CDH11: variants seen among roughly 807,000 people sequenced by gnomAD.
The protein encoded by CDH11 is cadherin-11.
Under a neutral mutation model 67.8 loss-of-function variants are expected in CDH11, and 11 were observed. That is an observed-to-expected ratio of 0.16 (90% CI 0.10 to 0.27). The LOEUF (loss-of-function observed/expected upper bound fraction) is 0.27. Ranked by LOEUF, CDH11 falls within the 10% of genes least tolerant of loss-of-function variation. CDH11 has a pLI of 1.00. For synonymous variants in CDH11, 419 were observed against 400.0 expected, an observed-to-expected ratio of 1.05 and a Z score of -0.57; for missense variants, 847 against 1,031.2, an observed-to-expected ratio of 0.82 and a Z score of 2.45.
chr16:65,003,350 A>T (rs954544701), intron 3 of CDH11, among the ~76,000 whole-genome samples: 3 of 151,824 alleles, frequency 2.0e-5, no homozygotes, highest in African/African-American at 7.3e-5. Context: ...ACTCCTTCCC[A>T]TGTTCAAGCG....
intron 1 of CDH11, among the ~76,000 whole-genome samples, chr16:65,110,581 A>G (rs577008863): frequency 6.6e-6 from 1 of 151,978 alleles, no homozygotes; most frequent in Admixed American, 6.5e-5. Context: ...GATGCTGTAC[A>G]GCCACTGCTA....
At chr16:64,952,017 C>T in intron 11 of CDH11, among the ~76,000 whole-genome samples, 1 of 152,296 alleles carries the variant, frequency 6.6e-6, no homozygotes, top group African/African-American at 2.4e-5. Context: ...CCCAGGCTCA[C>T]CTCCTACTTT....
intron 1 of CDH11, among the ~76,000 whole-genome samples, chr16:65,065,204 A>G (rs2074293806): frequency 6.6e-6 from 1 of 152,162 alleles, no homozygotes; most frequent in South Asian, 2.1e-4. Flanking sequence ...GGTCTTCACA[A>G]AGAAACTAGG....
chr16:64,974,129 G>A (rs2072093585), intron 8 of CDH11, among the ~76,000 whole-genome samples: 1 of 152,178 alleles, frequency 6.6e-6, no homozygotes. Flanking sequence ...CATTTACTGA[G>A]TTGTAGTAAG....
upstream of CDH11, chr16:65,122,072 G>C (rs951002594): frequency 3.2e-6 from 2 of 627,846 alleles, no homozygotes; most frequent in Non-Finnish European, 5.7e-6. Flanking sequence ...ATGAGCCGCC[G>C]AGCGCGCTAG....
In CDH11 at chr16:65,073,143, T is replaced by A. The variant is rs1429553184; in HGVS notation, c.-297-19215A>T. Among the ~76,000 whole-genome samples, 6 of 152,336 alleles carry A rather than the reference T, an allele frequency of 3.9e-5. No individual in the cohort carries two copies. In the East Asian group the frequency reaches 1.2e-3, roughly 29 times the overall value. On this transcript the variant is annotated intron_variant, in intron 1 of 12. Transcript: ENST00000268603. ...GTGGACCAAAATGGAAACAACTCAATGTAATTTCACTTGCTGAAAATTCAG... is the reference window on the plus strand; with the variant it reads ...GTGGACCAAAATGGAAACAACTCAAAGTAATTTCACTTGCTGAAAATTCAG...
chr16:65,117,622 T>C (rs1170531613), intron 1 of CDH11, among the ~76,000 whole-genome samples: 1 of 152,200 alleles, frequency 6.6e-6, no homozygotes, highest in Non-Finnish European at 1.5e-5. Context: ...CATTTACTGC[T>C]ATATTAAAAT....
intron 1 of CDH11, chr16:65,072,258 A>C (rs1027138670): frequency 6.6e-6 from 1 of 152,622 alleles, no homozygotes; most frequent in Non-Finnish European, 1.5e-5. Flanking sequence ...TGGCACTGCC[A>C]GCAGCCCTGT....
chr16:65,055,306 A>G (rs531702800), intron 1 of CDH11, among the ~76,000 whole-genome samples: 33 of 152,332 alleles, frequency 2.2e-4, no homozygotes, highest in African/African-American at 7.9e-4. Flanking sequence ...ATGAAACAGC[A>G]GAAGTGACAC....
intron 1 of CDH11, among the ~76,000 whole-genome samples, chr16:65,115,663 G>A (rs78165093): frequency 0.053 from 6,770 of 127,460 alleles, 221 homozygotes; most frequent in East Asian, 0.19. Context: ...TACTTTGTAA[G>A]TAATGGAGGC....
chr16:65,103,233 G>A (rs2075021206), intron 1 of CDH11, among the ~76,000 whole-genome samples: 1 of 152,144 alleles, frequency 6.6e-6, no homozygotes, highest in Non-Finnish European at 1.5e-5. Context: ...TTTGGATCTT[G>A]CAACCTGCTA....
intron 1 of CDH11, among the ~76,000 whole-genome samples, chr16:65,062,185 G>A (rs1372131485): frequency 6.6e-6 from 1 of 152,274 alleles, no homozygotes; most frequent in African/African-American, 2.4e-5. Flanking sequence ...AACCAACTAC[G>A]AAGGAGAACC....
intron 1 of CDH11, among the ~76,000 whole-genome samples, chr16:65,086,223 TA>T (rs1337333612): frequency 1.3e-5 from 2 of 152,232 alleles, no homozygotes; most frequent in African/African-American, 4.8e-5. Context: ...GTAACGTAGA[TA>T]ATTTAAATAC....
At position 64,972,064 on chromosome 16, in the gene CDH11, T is replaced by C. The variant is rs1304893278; in HGVS notation, c.1391A>G (p.His464Arg). 4.3e-6 allele frequency: 7 copies of C among 1,613,438 alleles called. No homozygotes were observed. Among genetic ancestry groups the C allele is most frequent in the African/African-American group, 1.3e-5 (1 of 74,892 alleles). ...GACTTTGGCTTCCTGATGCCGATTG[T>C]CTGGGAAGACAGAATGCAGACAGTC... ...LNITVFAAEI[H>R]NRHQEAKVPV... Residue 464 changes from histidine to arginine, a missense_variant and splice_region_variant, in exon 10 of 13, where the codon CAC becomes CGC. Transcript: ENST00000268603.
intron 3 of CDH11, among the ~76,000 whole-genome samples, chr16:65,003,088 T>G (rs2072962660): frequency 1.3e-5 from 2 of 150,766 alleles, no homozygotes; most frequent in South Asian, 4.2e-4. Flanking sequence ...ATCTTTGTTT[T>G]TTTTTTTTTT....
At chr16:65,005,179 G>A in intron 2 of CDH11, 138 bp from the exon 3 acceptor site, 1 of 703,412 alleles carries the variant, frequency 1.4e-6, no homozygotes, top group Non-Finnish European at 2.0e-6. Flanking sequence ...TGACTGCTTT[G>A]AGCTCAGCTT....
chr16:64,955,393 A>T (rs1225037972), intron 11 of CDH11, among the ~76,000 whole-genome samples: 1 of 152,116 alleles, frequency 6.6e-6, no homozygotes, highest in African/African-American at 2.4e-5. Flanking sequence ...AGATTGTGCC[A>T]CTGCACTCCA....
chr16:64,965,247 T>C (rs2071784290), intron 11 of CDH11, among the ~76,000 whole-genome samples: 1 of 147,260 alleles, frequency 6.8e-6, no homozygotes, highest in African/African-American at 2.5e-5. Flanking sequence ...CCGGGTGTGC[T>C]GGCGGGCGCC....
chr16:64,972,784 G>GA (rs2072044321), intron 9 of CDH11, 120 bp downstream of exon 9: 2 of 962,032 alleles, frequency 2.1e-6, no homozygotes, highest in Admixed American at 2.3e-5. Context: ...TTTAAAGACT[G>GA]AAAAATCTGT....
Sources: gnomAD v4.1 joint callset for allele counts (sites outside exome capture counted in the v4.1 genomes callset) on GRCh38, gnomAD v4.1.1 for gene constraint, MANE v1.5 for transcripts, NCBI Gene and HGNC (gene_info 2026-07-23, HGNC 2026-07-21) for gene names.